Variants in VBP1 observed in about 807,000 individuals in gnomAD.
The protein encoded by VBP1 is prefoldin subunit 3.
In VBP1, 4 loss-of-function variants were observed where a neutral mutation model predicts 15.5. The ratio of observed to expected loss-of-function variants is 0.26; its 90% CI spans 0.13 to 0.59. VBP1 has a LOEUF of 0.59. VBP1 is among the 20% of genes least tolerant of loss of function. The pLI is 0.90. For synonymous variants in VBP1, 61 were observed against 52.1 expected, an observed-to-expected ratio of 1.17 and a Z score of -0.74; for missense variants, 108 against 139.6, an observed-to-expected ratio of 0.77 and a Z score of 1.14.
At chrX:155,234,058 A>G (rs1602895549) in intron 4 of VBP1, among the ~76,000 whole-genome samples, 1 of 99,928 alleles carries the variant, frequency 1.0e-5, no homozygotes, top group Non-Finnish European at 2.0e-5. Flanking sequence ...TCATACTGTT[A>G]CCTCCAATTC....
At chrX:155,231,784 G>A (rs1232254997) in intron 4 of VBP1, among the ~76,000 whole-genome samples, 1 of 112,110 alleles carries the variant, frequency 8.9e-6, no homozygotes, top group African/African-American at 3.2e-5. Context: ...TTGCCTCCTT[G>A]GTTTTATTGG....
intron 1 of VBP1, among the ~76,000 whole-genome samples, chrX:155,204,333 A>T (rs1292344328): frequency 2.7e-5 from 3 of 110,207 alleles, no homozygotes; most frequent in Non-Finnish European, 5.7e-5. Flanking sequence ...TTTTATTTTT[A>T]GTAGAGATGG....
intron 2 of VBP1, among the ~76,000 whole-genome samples, chrX:155,209,725 G>A (rs2074638121): frequency 1.8e-5 from 2 of 111,858 alleles, no homozygotes; most frequent in African/African-American, 6.5e-5. Flanking sequence ...GATGTGCTGA[G>A]CCCCCTGATA....
Position 155,228,469 on chromosome X carries a change from G to C in VBP1, c.371G>C (p.Cys124Ser), listed in dbSNP as rs1557310487. The C allele has an allele frequency of 8.3e-7, 1 of 1,202,967 alleles. No homozygotes were observed. Among genetic ancestry groups the C allele is most frequent in the Admixed American group, 2.2e-5 (1 of 45,502 alleles). ...KASVPPTDKV[C>S]LWLGANVMLE... ...TCAGTTCCTCCTACCGATAAAGTGT[G>C]TCTGTGGTTGGGGGTAAGTAAATGT... The change falls in exon 4 of 6, where the codon TGT becomes TCT. Residue 124 changes from cysteine (C) to serine (S), a missense_variant. Coordinates refer to ENST00000286428, the MANE Select transcript of VBP1 (RefSeq NM_003372.7).
chrX:155,199,114 G>C (rs1218299968), intron 1 of VBP1, among the ~76,000 whole-genome samples: 1 of 111,539 alleles, frequency 9.0e-6, no homozygotes, highest in Admixed American at 9.5e-5. Flanking sequence ...TATGTGAAAA[G>C]ACCAAATCTA....
At position 155,198,985 on chromosome X, in the gene VBP1, G is replaced by A. The variant is rs190396087; in HGVS notation, c.-31+1846G>A. Among the ~76,000 whole-genome samples the A allele has an allele frequency of 2.4e-4, 27 of 111,754 alleles. No individual in the cohort carries two copies. The South Asian group carries it at 4.4e-3, about 18-fold the overall frequency. On this transcript the variant is annotated intron_variant, in intron 1 of 6. Coordinates refer to the VBP1 transcript ENST00000535916. ...ATGCAGAAGCCTCAGGAGCTGATGCGATCAACTGGAAGAAAGGGTATCAGT... is the reference window on the plus strand; with the variant it reads ...ATGCAGAAGCCTCAGGAGCTGATGCAATCAACTGGAAGAAAGGGTATCAGT...
At chrX:155,225,370 AT>A (rs781899622) in intron 2 of VBP1, among the ~76,000 whole-genome samples, 7 of 109,415 alleles carry the variant, frequency 6.4e-5, no homozygotes, top group Admixed American at 4.8e-4. Context: ...ATTTTTTTGT[AT>A]TTTTTTTTAG....
chrX:155,238,874 C>T lies in VBP1; in HGVS notation c.*32C>T, dbSNP rs11544262. 2.0e-5 allele frequency: 22 copies of T among 1,127,561 alleles called. No individual in the cohort carries two copies. The highest frequency in any genetic ancestry group is 2.6e-5 in the Non-Finnish European group (22 of 833,706). 92.9% of individuals were successfully genotyped at this position (1,127,561 alleles called of 1,213,427 possible). A position where few individuals can be genotyped will look rare whatever the true frequency, so the allele number is the denominator to read the frequency against. ...CAATTAAAAATGTGGTTTAGTTTTCCAAACATGTTATCTTAAATACCCCTT... is the reference window on the plus strand; with the variant it reads ...CAATTAAAAATGTGGTTTAGTTTTCTAAACATGTTATCTTAAATACCCCTT... On this transcript the variant is annotated 3_prime_UTR_variant, in exon 6 of 6. Coordinates refer to ENST00000286428, the MANE Select transcript of VBP1 (RefSeq NM_003372.7).
chrX:155,219,806 A>G (rs1488656667), intron 1 of VBP1, among the ~76,000 whole-genome samples: 2 of 111,045 alleles, frequency 1.8e-5, no homozygotes, highest in African/African-American at 6.5e-5. Flanking sequence ...ACTTTTTATA[A>G]CTACAGGTTG....
intron 4 of VBP1, among the ~76,000 whole-genome samples, chrX:155,235,652 G>A (rs1557311469): frequency 1.8e-5 from 2 of 112,159 alleles, no homozygotes; most frequent in Non-Finnish European, 3.8e-5. Context: ...AAAGCTAGCT[G>A]TCTTTTTTAC....
chrX:155,205,518 G>A (rs1330609242), intron 1 of VBP1, among the ~76,000 whole-genome samples: 1 of 111,382 alleles, frequency 9.0e-6, no homozygotes, highest in Non-Finnish European at 1.9e-5. Flanking sequence ...TTTATTTTCA[G>A]AATGCATCCT....
rs1164510948 is a variant in VBP1, at chrX:155,204,394, C to T, written c.-30-4480C>T. Among the ~76,000 whole-genome samples, 3 of 111,477 alleles carry T rather than the reference C, an allele frequency of 2.7e-5. No homozygotes were observed. In the Admixed American group the frequency reaches 2.9e-4, roughly 11 times the overall value. On this transcript the variant is annotated intron_variant, in intron 1 of 6. Transcript: ENST00000535916. Reference sequence around the variant, plus strand: ...TCTTGAACTCCTGACCTCAGGTGATCCGCCCGCCTTGGCCTCCGAAAGTGC... The same window carrying T: ...TCTTGAACTCCTGACCTCAGGTGATTCGCCCGCCTTGGCCTCCGAAAGTGC...
chrX:155,211,509 C>A (rs1557308519), upstream of VBP1, among the ~76,000 whole-genome samples: 1 of 112,269 alleles, frequency 8.9e-6, no homozygotes, highest in Non-Finnish European at 1.9e-5. Flanking sequence ...CTGATAGAGG[C>A]ACTCGTCTCA....
At chrX:155,203,814 A>C (rs782138445) in intron 1 of VBP1, among the ~76,000 whole-genome samples, 1 of 112,112 alleles carries the variant, frequency 8.9e-6, no homozygotes, top group African/African-American at 3.2e-5. Flanking sequence ...ATTGCTGTTA[A>C]ATTTCTCCAA....
chrX:155,208,133 A>G (rs782397168), intron 1 of VBP1, among the ~76,000 whole-genome samples: 2 of 112,402 alleles, frequency 1.8e-5, no homozygotes, highest in South Asian at 3.7e-4. Context: ...CACACTATCT[A>G]CAGTCAATGA....
At chrX:155,202,111 G>T (rs1557307558) in intron 1 of VBP1, among the ~76,000 whole-genome samples, 1 of 111,483 alleles carries the variant, frequency 9.0e-6, no homozygotes, top group East Asian at 2.8e-4. Flanking sequence ...AAATAAAAGA[G>T]GATACAAAGA....
rs782012356 is a variant in VBP1, at chrX:155,197,301, G to A, written c.-31+162G>A. On this transcript the variant is annotated intron_variant, in intron 1 of 6. Coordinates refer to the VBP1 transcript ENST00000535916. Reference sequence around the variant, plus strand: ...AATTCCTGTTCCTCAGGAAATTTGAGCTATTGTGAACTCTGCTCTGCCTTC... The same window carrying A: ...AATTCCTGTTCCTCAGGAAATTTGAACTATTGTGAACTCTGCTCTGCCTTC... 1.1e-4 allele frequency among the ~76,000 whole-genome samples: 12 copies of A among 111,531 alleles called. No individual in the cohort carries two copies. The South Asian group carries it at 4.5e-3, about 42-fold the overall frequency.
intron 1 of VBP1, among the ~76,000 whole-genome samples, chrX:155,206,236 G>T (rs1221458633): frequency 1.5e-5 from 1 of 65,146 alleles, no homozygotes; most frequent in Non-Finnish European, 3.9e-5. Flanking sequence ...GTCTTGAGTA[G>T]AATTTTTTTT....
chrX:155,220,375 A>AT, intron 2 of VBP1, 68 bp downstream of exon 2: 1 of 912,362 alleles, frequency 1.1e-6, no homozygotes, highest in Non-Finnish European at 1.4e-6. Flanking sequence ...TTGAGATATA[A>AT]TTTACATATA....
Sources: gnomAD v4.1 joint callset for allele counts (sites outside exome capture counted in the v4.1 genomes callset) on GRCh38, gnomAD v4.1.1 for gene constraint, MANE v1.5 for transcripts, NCBI Gene and HGNC (gene_info 2026-07-23, HGNC 2026-07-21) for gene names.